The following TNKS variants were observed in gnomAD, a reference collection of about 807,000 sequenced individuals.
The protein encoded by TNKS is tankyrase.
TNKS carries 72 observed loss-of-function variants against 135.8 expected under a neutral mutation model. That is an observed-to-expected ratio of 0.53 (90% CI 0.44 to 0.64). The LOEUF (loss-of-function observed/expected upper bound fraction) is 0.64. Ranked by LOEUF, TNKS falls within the 30% of genes least tolerant of loss-of-function variation. The pLI is 0.00. For missense variants in TNKS, 1,769 were observed against 1,674.0 expected (o/e 1.06, Z -0.99); for synonymous variants, 849 against 649.3 (o/e 1.31, Z -4.68).
chr8:9,615,748 A>T (rs952579991), intron 3 of TNKS, 71 bp downstream of exon 3: 65 of 1,284,944 alleles, frequency 5.1e-5, no homozygotes, highest in Admixed American at 1.2e-4. Flanking sequence ...AAATCTTGTT[A>T]TGCTGAATTT....
intron 5 of TNKS, among the ~76,000 whole-genome samples, chr8:9,688,486 T>C (rs1803114712): frequency 6.6e-6 from 1 of 152,228 alleles, no homozygotes; most frequent in African/African-American, 2.4e-5. Context: ...ATACCATTTC[T>C]AGTGTCTTAG....
At chr8:9,561,403 T>C (rs1273098188) in intron 1 of TNKS, among the ~76,000 whole-genome samples, 1 of 152,170 alleles carries the variant, frequency 6.6e-6, no homozygotes, top group Admixed American at 6.5e-5. Flanking sequence ...GCAACCACCA[T>C]TCTGATGTTT....
chr8:9,607,578 C>A (rs1014359664), intron 2 of TNKS, among the ~76,000 whole-genome samples: 19 of 152,140 alleles, frequency 1.2e-4, no homozygotes, highest in African/African-American at 4.1e-4. Flanking sequence ...AGCATCTTTG[C>A]CTATGTACCT....
chr8:9,569,869 T>C (rs1386179106), intron 1 of TNKS, among the ~76,000 whole-genome samples: 2 of 151,928 alleles, frequency 1.3e-5, no homozygotes, highest in Admixed American at 6.5e-5. Context: ...TGTTTTAAAA[T>C]TTTATCTGTA....
intron 17 of TNKS, among the ~76,000 whole-genome samples, chr8:9,746,388 C>G (rs960175881): frequency 7.2e-5 from 11 of 152,090 alleles, no homozygotes; most frequent in African/African-American, 2.4e-4. Context: ...AAGCTGAAGC[C>G]TTTTGCTATG....
chr8:9,670,999 G>T (rs1802246626), intron 3 of TNKS: 3 of 152,174 alleles, frequency 2.0e-5, no homozygotes, highest in Admixed American at 2.0e-4. Flanking sequence ...GAGAAGGAAA[G>T]AGTTAAAAGA....
At chr8:9,630,415 C>T (rs1039357058) in intron 3 of TNKS, among the ~76,000 whole-genome samples, 1 of 152,050 alleles carries the variant, frequency 6.6e-6, no homozygotes, top group Non-Finnish European at 1.5e-5. Flanking sequence ...TGAAAAGGGA[C>T]CTTTGATAAG....
chr8:9,597,569 A>G (rs1265834276), intron 2 of TNKS, among the ~76,000 whole-genome samples: 1 of 152,242 alleles, frequency 6.6e-6, no homozygotes, highest in Non-Finnish European at 1.5e-5. Flanking sequence ...GATATTGCAT[A>G]TAGGATTATG....
chr8:9,706,143 G>C, intron 6 of TNKS, 44 bp from the exon 7 acceptor site: 1 of 1,424,924 alleles, frequency 7.0e-7, no homozygotes. Context: ...GGATAAATAA[G>C]TTGTTTGAAA....
chr8:9,567,393 A>C (rs1797583047), intron 1 of TNKS, among the ~76,000 whole-genome samples: 1 of 152,142 alleles, frequency 6.6e-6, no homozygotes, highest in African/African-American at 2.4e-5. Flanking sequence ...AGAAGGAAGG[A>C]TATTTTAGCA....
At chr8:9,669,260 T>G (rs1468933158) in intron 3 of TNKS, among the ~76,000 whole-genome samples, 1 of 149,642 alleles carries the variant, frequency 6.7e-6, no homozygotes, top group East Asian at 2.0e-4. Context: ...CTACTAAAAA[T>G]ACAAAAAATT....
Position 9,609,920 on chromosome 8 carries a change from C to T in TNKS, c.899-5662C>T, listed in dbSNP as rs528414533. On this transcript the variant is annotated intron_variant, in intron 2 of 26. Coordinates refer to ENST00000310430, the MANE Select transcript of TNKS (RefSeq NM_003747.3). Reference sequence around the variant, plus strand: ...TCGGCCAGGCTGGAGTGCAGTGGCACAATCTCAGCTCACTGCAAGCTCCAC... The same window carrying T: ...TCGGCCAGGCTGGAGTGCAGTGGCATAATCTCAGCTCACTGCAAGCTCCAC... Among the ~76,000 whole-genome samples, 115 of 152,180 alleles carry T rather than the reference C, an allele frequency of 7.6e-4. 1 individual carries two copies. The highest frequency in any genetic ancestry group is 3.4e-3 in the Middle Eastern group (1 of 294).
At chr8:9,639,413 A>AT (rs1177940996) in intron 3 of TNKS, among the ~76,000 whole-genome samples, 7 of 152,142 alleles carry the variant, frequency 4.6e-5, no homozygotes, top group Admixed American at 3.3e-4. Flanking sequence ...TGTGGGCTAA[A>AT]AAATGAAACA....
At chr8:9,634,271 A>C (rs911873502) in intron 3 of TNKS, among the ~76,000 whole-genome samples, 1 of 152,052 alleles carries the variant, frequency 6.6e-6, no homozygotes, top group African/African-American at 2.4e-5. Flanking sequence ...CTACATATTA[A>C]AAAATAAAAT....
intron 13 of TNKS, among the ~76,000 whole-genome samples, chr8:9,728,593 A>G (rs1438815245): frequency 6.6e-6 from 1 of 152,228 alleles, no homozygotes; most frequent in Non-Finnish European, 1.5e-5. Flanking sequence ...AGAAGCTTCA[A>G]TCATGTCAGA....
chr8:9,667,033 T>G (rs139419545), intron 3 of TNKS, among the ~76,000 whole-genome samples: 2,005 of 152,306 alleles, frequency 0.013, 24 homozygotes, highest in Non-Finnish European at 0.02. Context: ...GTGTTCCGAT[T>G]TTTATGGTAG....
At chr8:9,728,914 T>C (rs1265230065) in intron 13 of TNKS, among the ~76,000 whole-genome samples, 3 of 152,224 alleles carry the variant, frequency 2.0e-5, no homozygotes, top group Non-Finnish European at 4.4e-5. Flanking sequence ...TGAAAGCTTC[T>C]TGTCTTAGTC....
chr8:9,584,110 G>A (rs1798276936), intron 2 of TNKS, among the ~76,000 whole-genome samples: 2 of 146,222 alleles, frequency 1.4e-5, no homozygotes, highest in African/African-American at 5.1e-5. Flanking sequence ...CTTGCAGTGA[G>A]CCGAGATTAC....
At chr8:9,738,736 C>G (rs1805772728) in intron 17 of TNKS, among the ~76,000 whole-genome samples, 1 of 71,520 alleles carries the variant, frequency 1.4e-5, no homozygotes, top group Admixed American at 1.7e-4. Context: ...ATCCTGAGTT[C>G]TAGTTTGATT....
Sources: allele counts gnomAD v4.1 joint callset (sites outside exome capture counted in the v4.1 genomes callset), GRCh38; gene constraint gnomAD v4.1.1; transcripts MANE v1.5; gene names NCBI Gene and HGNC (gene_info 2026-07-23, HGNC 2026-07-21).